DNM1L: variants seen among roughly 807,000 people sequenced by gnomAD.
DNM1L encodes dynamin-1-like protein.
In DNM1L, 33 loss-of-function variants were observed where a neutral mutation model predicts 92.8. The observed-to-expected ratio is 0.36, with a 90% CI of 0.27 to 0.48. The LOEUF (loss-of-function observed/expected upper bound fraction) is 0.48. DNM1L is among the 20% of genes least tolerant of loss of function. The probability of loss-of-function intolerance (pLI) is 0.99; values close to 1 mark genes in which losing one functional copy is unlikely to be tolerated. For synonymous variants in DNM1L, 284 were observed against 305.0 expected, an observed-to-expected ratio of 0.93 and a Z score of 0.72; for missense variants, 485 against 888.8, an observed-to-expected ratio of 0.55 and a Z score of 5.78.
At chr12:32,723,763 A>G (rs1953927075) in intron 9 of DNM1L, among the ~76,000 whole-genome samples, 1 of 147,680 alleles carries the variant, frequency 6.8e-6, no homozygotes, top group Non-Finnish European at 1.5e-5. Context: ...TAGATGAACT[A>G]CGGCTACCAA....
intron 2 of DNM1L, among the ~76,000 whole-genome samples, chr12:32,702,233 C>CAAAAAAAAA (rs1179046487): frequency 1.2e-5 from 1 of 81,340 alleles, no homozygotes; most frequent in African/African-American, 4.2e-5. Flanking sequence ...GACTCCGTCT[C>CAAAAAAAAA]AAAAAAAAAA....
At chr12:32,739,030 T>G (rs949907950) in intron 16 of DNM1L, among the ~76,000 whole-genome samples, 6 of 152,228 alleles carry the variant, frequency 3.9e-5, no homozygotes, top group Non-Finnish European at 8.8e-5. Context: ...TAAGATTTCA[T>G]TTGGTATGTC....
intron 12 of DNM1L, among the ~76,000 whole-genome samples, chr12:32,733,291 A>G (rs1006894558): frequency 2.0e-5 from 3 of 151,760 alleles, no homozygotes; most frequent in Admixed American, 6.5e-5. Context: ...ATAAGTTAAC[A>G]TCTTTAACTT....
At chr12:32,720,133 TGTCA>T (rs1461404796) in intron 7 of DNM1L, among the ~76,000 whole-genome samples, 1 of 152,112 alleles carries the variant, frequency 6.6e-6, no homozygotes, top group African/African-American at 2.4e-5. Flanking sequence ...CCAACCCTAC[TGTCA>T]TTCTCCCATC....
At chr12:32,708,837 T>TC (rs1176990517) in intron 4 of DNM1L, among the ~76,000 whole-genome samples, 1 of 152,108 alleles carries the variant, frequency 6.6e-6, no homozygotes, top group Non-Finnish European at 1.5e-5. Flanking sequence ...AATCCTGCTG[T>TC]CTTCTGTCTT....
chr12:32,695,272 A>G (rs1952393148), intron 1 of DNM1L, among the ~76,000 whole-genome samples: 1 of 152,206 alleles, frequency 6.6e-6, no homozygotes. Flanking sequence ...ATTGTTGTCA[A>G]ATGTCATGCA....
intron 6 of DNM1L, among the ~76,000 whole-genome samples, chr12:32,717,854 A>G (rs1189428812): frequency 1.2e-5 from 1 of 83,690 alleles, no homozygotes; most frequent in Non-Finnish European, 2.2e-5. Flanking sequence ...TATTTTATAA[A>G]TATACTATAT....
At position 32,735,609 on chromosome 12, in the gene DNM1L, G is replaced by A. The variant is rs994880507; in HGVS notation, c.1540-1496G>A. ...TGAAACATCACTGTGGGCTGTGTGC[G>A]GTGGCTCATGCCTGTAATCCCAGCA... On this transcript the variant is annotated intron_variant, in intron 13 of 19. Coordinates refer to ENST00000549701, the MANE Select transcript of DNM1L (RefSeq NM_012062.5). Among the ~76,000 whole-genome samples, 15 of 152,062 alleles carry A rather than the reference G, an allele frequency of 9.9e-5. No homozygotes were observed. In the East Asian group the frequency reaches 1.2e-3, roughly 12 times the overall value.
intron 6 of DNM1L, among the ~76,000 whole-genome samples, chr12:32,715,911 T>C (rs1953342707): frequency 6.6e-6 from 1 of 152,180 alleles, no homozygotes; most frequent in African/African-American, 2.4e-5. Context: ...CCATGTTAAG[T>C]GAGAACCAGT....
chr12:32,717,341 CTATATAT>C (rs531286185), intron 6 of DNM1L, among the ~76,000 whole-genome samples: 1,369 of 82,930 alleles, frequency 0.017, 81 homozygotes, highest in African/African-American at 0.065. Flanking sequence ...TTTATATATA[CTATATAT>C]TATATATAGT....
chr12:32,687,600 G>A (rs558642631), intron 1 of DNM1L, among the ~76,000 whole-genome samples: 5 of 151,934 alleles, frequency 3.3e-5, no homozygotes, highest in African/African-American at 9.7e-5. Context: ...CTGCCATCAC[G>A]CCGGGCTATT....
intron 14 of DNM1L, chr12:32,737,634 A>G (rs1289019980): frequency 3.9e-6 from 2 of 508,008 alleles, no homozygotes; most frequent in Admixed American, 3.5e-5. Context: ...CAAAAATAAA[A>G]ATGAAGCTTT....
chr12:32,742,778 T>C (rs1955395765), intron 19 of DNM1L, 30 bp downstream of exon 19: 2 of 1,613,292 alleles, frequency 1.2e-6, no homozygotes, highest in Non-Finnish European at 1.7e-6. Context: ...TTTTTATACT[T>C]GGGTAGTAGA....
intron 2 of DNM1L, among the ~76,000 whole-genome samples, chr12:32,703,162 A>G (rs1952782531): frequency 6.6e-6 from 1 of 151,986 alleles, no homozygotes; most frequent in Non-Finnish European, 1.5e-5. Context: ...TTCCTTAGAT[A>G]AAATTGTGCT....
At chr12:32,680,211 AT>A (rs1450006119) in intron 1 of DNM1L, among the ~76,000 whole-genome samples, 1 of 150,462 alleles carries the variant, frequency 6.6e-6, no homozygotes, top group East Asian at 1.9e-4. Context: ...TAGCTAACTC[AT>A]TTTTTTTTGA....
chr12:32,738,151 GCA>G, intron 15 of DNM1L, 111 bp from the exon 16 acceptor site: 2 of 1,277,582 alleles, frequency 1.6e-6, no homozygotes, highest in South Asian at 2.5e-5. Context: ...TATAGAAGAT[GCA>G]CACAGAAAAA....
At chr12:32,724,637 T>C (rs556506428) in intron 9 of DNM1L, among the ~76,000 whole-genome samples, 92 of 139,544 alleles carry the variant, frequency 6.6e-4, no homozygotes, top group African/African-American at 2.4e-3. Flanking sequence ...ATTAATTAAA[T>C]ATAAATTAAA....
At chr12:32,739,292 T>C (rs1362840128) in intron 16 of DNM1L, among the ~76,000 whole-genome samples, 2 of 152,156 alleles carry the variant, frequency 1.3e-5, no homozygotes, top group Non-Finnish European at 2.9e-5. Context: ...AAAACCCTCT[T>C]AAATGTTGAT....
chr12:32,679,505 G>C (rs1330065947), intron 1 of DNM1L, 40 bp downstream of exon 1: 2 of 1,574,570 alleles, frequency 1.3e-6, no homozygotes, highest in Non-Finnish European at 8.7e-7. Context: ...CCAGACCCCG[G>C]CCGCAGGCCT....
Sources: allele counts gnomAD v4.1 joint callset (sites outside exome capture counted in the v4.1 genomes callset), GRCh38; gene constraint gnomAD v4.1.1; transcripts MANE v1.5; gene names NCBI Gene and HGNC (gene_info 2026-07-23, HGNC 2026-07-21).